The following MANEA variants were observed in gnomAD, a reference collection of about 807,000 sequenced individuals.
MANEA encodes the protein mannosidase endo-alpha.
A neutral mutation model predicts 36.8 loss-of-function variants in MANEA; 25 were observed. The ratio of observed to expected loss-of-function variants is 0.68; its 90% CI spans 0.50 to 0.95. The LOEUF is 0.95. Among genes scored for constraint, MANEA ranks in the 40% least tolerant of loss-of-function variants. The pLI is 0.00. For synonymous variants in MANEA, 198 were observed against 188.5 expected (o/e 1.05, Z -0.41); for missense variants, 565 against 558.8 (o/e 1.01, Z -0.11).
chr6:95,586,534 A>G lies in MANEA; in HGVS notation c.95A>G (p.Asn32Ser). 2 of 1,614,040 alleles carry G rather than the reference A, an allele frequency of 1.2e-6. No individual in the cohort carries two copies. The highest frequency in any genetic ancestry group is 1.7e-6 in the Non-Finnish European group (2 of 1,179,968). ...ATGGGTTTAAAAATGCTGAGACCAAATACAGCTACTTTTGGAGCTCCTTTT... is the reference window on the plus strand; with the variant it reads ...ATGGGTTTAAAAATGCTGAGACCAAGTACAGCTACTTTTGGAGCTCCTTTT... ...LMMGLKMLRP[N>S]TATFGAPFGL... The change falls in exon 2 of 5, where the codon AAT becomes AGT. Residue 32 changes from asparagine (N) to serine (S), a missense_variant. By Grantham distance (46) the Asn-to-Ser change is conservative. Transcript: ENST00000358812.
At chr6:95,588,965 G>A (rs1338619754) in intron 2 of MANEA, among the ~76,000 whole-genome samples, 1 of 151,816 alleles carries the variant, frequency 6.6e-6, no homozygotes, top group Admixed American at 6.6e-5. Flanking sequence ...ATTGTATCAT[G>A]TATATGAACA....
chr6:95,594,317 A>C (rs548279080), intron 2 of MANEA, among the ~76,000 whole-genome samples: 6 of 152,202 alleles, frequency 3.9e-5, no homozygotes, highest in East Asian at 1.9e-4. Context: ...CCCTTAGTTC[A>C]TGTAGCTGAT....
chr6:95,604,253 A>T (rs1251031140), intron 3 of MANEA, among the ~76,000 whole-genome samples: 1 of 151,974 alleles, frequency 6.6e-6, no homozygotes, highest in Non-Finnish European at 1.5e-5. Flanking sequence ...AAGAATTTAT[A>T]TGTAAATAAA....
intron 2 of MANEA, among the ~76,000 whole-genome samples, chr6:95,593,361 TAAC>T (rs1471821042): frequency 6.6e-6 from 1 of 152,182 alleles, no homozygotes; most frequent in Non-Finnish European, 1.5e-5. Context: ...AGCTGAAATA[TAAC>T]AACATTGTAA....
chr6:95,598,218 T>C lies in MANEA; in HGVS notation c.654+1372T>C, dbSNP rs143310568. 2.6e-3 allele frequency among the ~76,000 whole-genome samples: 400 copies of C among 152,310 alleles called. 2 individuals carry two copies. Among genetic ancestry groups the C allele is most frequent in the African/African-American group, 8.9e-3 (368 of 41,580 alleles). ...GAAATACAGTGTCAAGTATACTCACTATCTATTGCTGCATAACAAATTATT... is the reference window on the plus strand; with the variant it reads ...GAAATACAGTGTCAAGTATACTCACCATCTATTGCTGCATAACAAATTATT... On this transcript the variant is annotated intron_variant, in intron 3 of 4. Transcript: ENST00000358812.
chr6:95,594,020 C>T (rs897623539), intron 2 of MANEA, among the ~76,000 whole-genome samples: 3 of 151,730 alleles, frequency 2.0e-5, no homozygotes, highest in African/African-American at 4.8e-5. Flanking sequence ...TGAGATTGTG[C>T]CACTGCACTC....
At chr6:95,599,845 G>T (rs1490374989) in intron 3 of MANEA, among the ~76,000 whole-genome samples, 1 of 152,156 alleles carries the variant, frequency 6.6e-6, no homozygotes, top group African/African-American at 2.4e-5. Flanking sequence ...GCTGTCACCT[G>T]CCATGTCCCT....
In MANEA at chr6:95,605,630, A is replaced by C. The variant is rs1769691368; in HGVS notation, c.732-118A>C. The C allele has an allele frequency of 1.8e-5, 12 of 670,772 alleles. No homozygotes were observed. In the Admixed American group the frequency reaches 2.8e-4, roughly 15 times the overall value. 41.6% of individuals were successfully genotyped at this position (670,772 alleles called of 1,614,324 possible). A position where few individuals can be genotyped will look rare whatever the true frequency, so the allele number is the denominator to read the frequency against. The stretch of plus-strand genomic sequence containing the variant: ...TTACACTTACACAACTGATTCCCCT[A>C]AGAAATGGAGCAGTGTGCTCAAACT... On this transcript the variant is annotated intron_variant, in intron 4 of 4. Transcript: ENST00000358812.
At position 95,605,879 on chromosome 6, in the gene MANEA, G is replaced by C. The variant is rs150088429; in HGVS notation, c.863G>C (p.Arg288Pro). ...WANLLTTSGS[R>P]SIRNSPYDGL... Reference sequence around the variant, plus strand: ...AATCTGTTAACCACCTCAGGGTCTCGGAGTATTCGCAATTCTCCTTATGAT... The same window carrying C: ...AATCTGTTAACCACCTCAGGGTCTCCGAGTATTCGCAATTCTCCTTATGAT... Residue 288 changes from arginine (R) to proline (P), a missense_variant, in exon 5 of 5, where the codon CGG (arginine) becomes CCG (proline). By Grantham distance (103) the Arg-to-Pro change is moderately radical (BLOSUM62 -2). Coordinates refer to ENST00000358812, the MANE Select transcript of MANEA (RefSeq NM_024641.4). 3.6e-5 allele frequency: 58 copies of C among 1,613,794 alleles called. No individual in the cohort carries two copies. Among genetic ancestry groups the C allele is most frequent in the Non-Finnish European group, 4.7e-5 (56 of 1,179,962 alleles).
At position 95,607,300 on chromosome 6, in the gene MANEA, T is replaced by TG. The variant is rs1439224428; in HGVS notation, c.*895_*896insG. 1 of 152,130 alleles carries TG rather than the reference T, an allele frequency of 6.6e-6. No homozygotes were observed. Among genetic ancestry groups the TG allele is most frequent in the Non-Finnish European group, 1.5e-5 (1 of 67,976 alleles). 9.4% of individuals were successfully genotyped at this position (152,130 alleles called of 1,614,324 possible). ...CATTTTTAGTATATCTTGTCGATCT[T>TG]TAAGTTGTTACTATTGTGTTATTCA... On this transcript the variant is annotated 3_prime_UTR_variant, in exon 5 of 5. Transcript: ENST00000358812.
At chr6:95,580,052 CAAGGGTCATTGTGG>C (rs1371299114) in intron 1 of MANEA, among the ~76,000 whole-genome samples, 1 of 152,116 alleles carries the variant, frequency 6.6e-6, no homozygotes, top group African/African-American at 2.4e-5. Flanking sequence ...TTAGGCATCT[CAAGGGTCATTGTGG>C]TTTTACAGCG....
In MANEA at chr6:95,586,859, A is replaced by T. The variant is rs765358657; in HGVS notation, c.420A>T (p.Pro140=). The T allele has an allele frequency of 5.0e-6, 8 of 1,613,640 alleles. No individual in the cohort carries two copies. Among genetic ancestry groups the T allele is most frequent in the Non-Finnish European group, 6.8e-6 (8 of 1,179,714 alleles). ...ACCCTAGAATAGCCAAGAATTATCC[A>T]CAAGGGAGACACAACCCTCCAGATG... ...HWDPRIAKNY[P]QGRHNPPDDI... The change falls in exon 2 of 5, where the codon CCA becomes CCT. Residue 140 remains proline (P), a synonymous_variant. Coordinates refer to ENST00000358812, the MANE Select transcript of MANEA (RefSeq NM_024641.4).
intron 2 of MANEA, among the ~76,000 whole-genome samples, chr6:95,593,641 A>G (rs1769430267): frequency 6.6e-6 from 1 of 152,202 alleles, no homozygotes; most frequent in Admixed American, 6.5e-5. Flanking sequence ...ATTCTTTTAA[A>G]TTTTAATTTA....
chr6:95,584,864 TAGAA>T (rs1321765826), intron 1 of MANEA, among the ~76,000 whole-genome samples: 3 of 152,190 alleles, frequency 2.0e-5, no homozygotes, highest in African/African-American at 4.8e-5. Flanking sequence ...TTATGGAAAA[TAGAA>T]AGAACCTACG....
chr6:95,600,740 C>T (rs1054560499), intron 3 of MANEA, among the ~76,000 whole-genome samples: 4 of 152,116 alleles, frequency 2.6e-5, no homozygotes, highest in Non-Finnish European at 4.4e-5. Flanking sequence ...GTGTAAAATG[C>T]GTTCATTAGT....
At chr6:95,600,702 C>T (rs1206652712) in intron 3 of MANEA, among the ~76,000 whole-genome samples, 1 of 152,150 alleles carries the variant, frequency 6.6e-6, no homozygotes, top group Non-Finnish European at 1.5e-5. Flanking sequence ...CTCCAATGCA[C>T]ATAACTGACC....
chr6:95,600,911 T>C (rs1471678563), intron 3 of MANEA, among the ~76,000 whole-genome samples: 1 of 152,222 alleles, frequency 6.6e-6, no homozygotes, highest in Non-Finnish European at 1.5e-5. Context: ...ATTTTGTAAT[T>C]GTAATTTTGA....
chr6:95,599,034 A>G (rs1769537549), intron 3 of MANEA, among the ~76,000 whole-genome samples: 1 of 152,140 alleles, frequency 6.6e-6, no homozygotes, highest in African/African-American at 2.4e-5. Context: ...TACACACAGA[A>G]TGGTTATAAA....
chr6:95,604,505 T>C (rs1034257681), intron 3 of MANEA, among the ~76,000 whole-genome samples: 2 of 151,990 alleles, frequency 1.3e-5, no homozygotes, highest in Non-Finnish European at 2.9e-5. Context: ...AGATCATCAA[T>C]ATTACCTCCA....
Sources: allele counts gnomAD v4.1 joint callset (sites outside exome capture counted in the v4.1 genomes callset), GRCh38; gene constraint gnomAD v4.1.1; transcripts MANE v1.5; gene names NCBI Gene and HGNC (gene_info 2026-07-23, HGNC 2026-07-21).